Variants in TMEM170A observed in about 807,000 individuals in gnomAD.
The protein encoded by TMEM170A is transmembrane protein 170.
In TMEM170A, 18 loss-of-function variants were observed where a neutral mutation model predicts 12.8. That is an observed-to-expected ratio of 1.41 (90% CI 0.97 to 2.09). The LOEUF (loss-of-function observed/expected upper bound fraction) is 2.09. Among genes scored for constraint, TMEM170A ranks in the 30% most tolerant of loss-of-function variants. The pLI, the probability that TMEM170A is intolerant of heterozygous loss-of-function variation, is 0.00. For missense variants in TMEM170A, 220 were observed against 179.9 expected (o/e 1.22, Z -1.28); for synonymous variants, 107 against 76.2 (o/e 1.40, Z -2.11).
chr16:75,457,245 T>G (rs2079816086), intron 1 of TMEM170A, among the ~76,000 whole-genome samples: 1 of 152,198 alleles, frequency 6.6e-6, no homozygotes, highest in Admixed American at 6.5e-5. Context: ...ACAGAACCAC[T>G]GAGGCCTTGA....
intron 2 of TMEM170A, among the ~76,000 whole-genome samples, chr16:75,448,224 C>T (rs1174985325): frequency 6.6e-6 from 1 of 152,162 alleles, no homozygotes; most frequent in Non-Finnish European, 1.5e-5. Context: ...AAAGGGAAGA[C>T]AGGAGGACTC....
chr16:75,448,352 T>C (rs962476981), intron 2 of TMEM170A, among the ~76,000 whole-genome samples: 26 of 152,146 alleles, frequency 1.7e-4, no homozygotes, highest in Admixed American at 1.4e-3. Context: ...TTCCTGCAAA[T>C]TGGAAAAACA....
In TMEM170A at chr16:75,464,676, G is replaced by C. The variant is rs1241905564; in HGVS notation, c.-76C>G. 1.3e-6 allele frequency: 2 copies of C among 1,510,164 alleles called. No individual in the cohort carries two copies. The highest frequency in any genetic ancestry group is 8.8e-7 in the Non-Finnish European group (1 of 1,137,336). 93.5% of individuals were successfully genotyped at this position (1,510,164 alleles called of 1,614,324 possible). On this transcript the variant is annotated 5_prime_UTR_variant, in exon 1 of 3. Transcript: ENST00000561878. ...TAGCGGCCGGCGCCGACTCACCCTC[G>C]CCGCCTCAGCGTCACCTCCAGCCGG...
chr16:75,459,901 G>C (rs1044890434), intron 1 of TMEM170A: 6 of 151,100 alleles, frequency 4.0e-5, no homozygotes, highest in African/African-American at 1.5e-4. Flanking sequence ...CCATGCTGAA[G>C]TTGGGCTATC....
At chr16:75,455,356 C>CAAAAAAAA (rs59205915) in intron 1 of TMEM170A, among the ~76,000 whole-genome samples, 2 of 110,816 alleles carry the variant, frequency 1.8e-5, no homozygotes, top group Admixed American at 1.1e-4. Context: ...GACACTGTCT[C>CAAAAAAAA]AAAAAAAAAA....
In TMEM170A at chr16:75,445,161, CA is replaced by C. The variant is rs140306576; in HGVS notation, c.*2396del. 7 of 152,132 alleles carry C rather than the reference CA, an allele frequency of 4.6e-5. No homozygotes were observed. The highest frequency in any genetic ancestry group is 1.0e-4 in the Non-Finnish European group (7 of 68,018). 9.4% of individuals were successfully genotyped at this position (152,132 alleles called of 1,614,324 possible). A position where few individuals can be genotyped will look rare whatever the true frequency, so the allele number is the denominator to read the frequency against. On this transcript the variant is annotated 3_prime_UTR_variant, in exon 3 of 3. Coordinates refer to ENST00000561878, the MANE Select transcript of TMEM170A (RefSeq NM_145254.3). The stretch of plus-strand genomic sequence containing the variant: ...CTTTTGAAAATCACAGCTCTTTAAA[CA>C]AAAAACTAGAATTTTTACAATTTGC...
chr16:75,456,780 C>G (rs538475783), intron 1 of TMEM170A, among the ~76,000 whole-genome samples: 4 of 152,304 alleles, frequency 2.6e-5, no homozygotes, highest in Non-Finnish European at 5.9e-5. Context: ...ACAAATCTCT[C>G]CTGCCTGGGC....
chr16:75,459,714 G>C (rs185232334), intron 1 of TMEM170A, among the ~76,000 whole-genome samples: 2 of 152,026 alleles, frequency 1.3e-5, no homozygotes, highest in Non-Finnish European at 2.9e-5. Context: ...AAATTTAGCC[G>C]GGTTTGGTGG....
intron 1 of TMEM170A, among the ~76,000 whole-genome samples, chr16:75,454,846 T>C (rs1339294020): frequency 6.6e-6 from 1 of 152,154 alleles, no homozygotes. Context: ...TGCAGGGTAA[T>C]TTGGAAGTCA....
chr16:75,451,781 A>G lies in TMEM170A; in HGVS notation c.192T>C (p.Pro64=), dbSNP rs1291935580. ...ALVSSLFFHV[P]AGLLALFTLR... ...GGGTGAAGAGGGCCAGTAATCCAGC[A>G]GGGACATGAAAGAAGAGAGAAGACA... The change falls in exon 2 of 3, where the codon CCT becomes CCC. Residue 64 remains proline, a synonymous_variant. Coordinates refer to ENST00000561878, the MANE Select transcript of TMEM170A (RefSeq NM_145254.3). 6.2e-7 allele frequency: 1 copy of G among 1,614,160 alleles called. No homozygotes were observed. Among genetic ancestry groups the G allele is most frequent in the South Asian group, 1.1e-5 (1 of 91,078 alleles).
intron 1 of TMEM170A, 91 bp from the exon 2 acceptor site, chr16:75,451,930 T>C: frequency 8.7e-7 from 1 of 1,153,480 alleles, no homozygotes; most frequent in Non-Finnish European, 1.2e-6. Context: ...CATTTCATTT[T>C]CAACACCGTT....
At chr16:75,461,010 A>G (rs1189251914) in intron 1 of TMEM170A, among the ~76,000 whole-genome samples, 1 of 152,144 alleles carries the variant, frequency 6.6e-6, no homozygotes, top group African/African-American at 2.4e-5. Flanking sequence ...GACAACAATA[A>G]AGGAAAAAAT....
chr16:75,461,138 C>T (rs983056505), intron 1 of TMEM170A, among the ~76,000 whole-genome samples: 12 of 152,132 alleles, frequency 7.9e-5, no homozygotes, highest in Admixed American at 5.2e-4. Flanking sequence ...ACTGCAACCT[C>T]CCCCTCCCAG....
At chr16:75,456,126 C>G (rs1447367938) in intron 1 of TMEM170A, among the ~76,000 whole-genome samples, 1 of 152,186 alleles carries the variant, frequency 6.6e-6, no homozygotes, top group Non-Finnish European at 1.5e-5. Context: ...CCACCCTTGA[C>G]ATTGTCACAG....
intron 1 of TMEM170A, among the ~76,000 whole-genome samples, chr16:75,453,903 T>A (rs534856567): frequency 6.6e-6 from 1 of 152,358 alleles, no homozygotes; most frequent in South Asian, 2.1e-4. Flanking sequence ...GACTTTACAA[T>A]TTGTTAAATG....
Position 75,447,528 on chromosome 16 carries a change from A to G in TMEM170A, c.*30T>C. 1.3e-6 allele frequency: 2 copies of G among 1,582,942 alleles called. No homozygotes were observed. The highest frequency in any genetic ancestry group is 1.2e-5 in the South Asian group (1 of 86,158). On this transcript the variant is annotated 3_prime_UTR_variant, in exon 3 of 3. Transcript: ENST00000561878. Reference sequence around the variant, plus strand: ...TCTTTTGGAGGATTCCATAAAGTTTAAGTTCAACATCTCAGCATAAGGATG... The same window carrying G: ...TCTTTTGGAGGATTCCATAAAGTTTGAGTTCAACATCTCAGCATAAGGATG...
chr16:75,462,302 C>T (rs2079922697), intron 1 of TMEM170A, among the ~76,000 whole-genome samples: 1 of 152,266 alleles, frequency 6.6e-6, no homozygotes, highest in African/African-American at 2.4e-5. Context: ...TCACTGCAAC[C>T]TCTGCCTCCT....
intron 1 of TMEM170A, among the ~76,000 whole-genome samples, chr16:75,463,139 GTA>G (rs1324988498): frequency 6.6e-6 from 1 of 152,104 alleles, no homozygotes; most frequent in Non-Finnish European, 1.5e-5. Context: ...GGGTACATGG[GTA>G]TTTGTTATAC....
intron 1 of TMEM170A, among the ~76,000 whole-genome samples, chr16:75,452,127 G>A (rs1029547654): frequency 1.1e-4 from 16 of 151,480 alleles, no homozygotes; most frequent in Admixed American, 8.5e-4. Context: ...ACCCGCCACC[G>A]CGCCTGGCTA....
Sources: gnomAD v4.1 joint callset for allele counts (sites outside exome capture counted in the v4.1 genomes callset) on GRCh38, gnomAD v4.1.1 for gene constraint, MANE v1.5 for transcripts, NCBI Gene and HGNC (gene_info 2026-07-23, HGNC 2026-07-21) for gene names.